RAD23B: variants seen among roughly 807,000 people sequenced by gnomAD.
RAD23B encodes the protein lysine-specific demethylase RAD23B.
In RAD23B, 5 loss-of-function variants were observed where a neutral mutation model predicts 49.1. The ratio of observed to expected loss-of-function variants is 0.10; its 90% confidence interval spans 0.05 to 0.21. The LOEUF is 0.21. Among genes scored for constraint, RAD23B ranks in the 10% least tolerant of loss-of-function variants. The pLI is 1.00. For synonymous variants in RAD23B, 184 were observed against 165.4 expected (o/e 1.11, Z -0.86); for missense variants, 356 against 486.7 (o/e 0.73, Z 2.53).
intron 2 of RAD23B, among the ~76,000 whole-genome samples, chr9:107,301,733 G>A (rs1045954471): frequency 5.3e-5 from 8 of 151,958 alleles, no homozygotes; most frequent in Non-Finnish European, 2.9e-5. Context: ...CATAAACAGG[G>A]TCTTGCTATG....
At chr9:107,305,505 A>G (rs1490026552) in intron 3 of RAD23B, among the ~76,000 whole-genome samples, 2 of 152,116 alleles carry the variant, frequency 1.3e-5, no homozygotes, top group Non-Finnish European at 2.9e-5. Context: ...TATTGAAAAA[A>G]ATTATCATGT....
chr9:107,300,541 T>C (rs1408473560), intron 2 of RAD23B, among the ~76,000 whole-genome samples: 4 of 152,062 alleles, frequency 2.6e-5, no homozygotes, highest in African/African-American at 9.7e-5. Context: ...GATTGTGTTA[T>C]TATTAGTATG....
At position 107,331,566 on chromosome 9, in the gene RAD23B, G is replaced by A. The variant is rs779212449; in HGVS notation, c.*1910G>A. On this transcript the variant is annotated 3_prime_UTR_variant, in exon 10 of 10. Coordinates refer to ENST00000358015, the MANE Select transcript of RAD23B (RefSeq NM_002874.5). ...GAATAAAATGAGAATTCATATATAC[G>A]TTCATCTTTCAAGTCAGAGCAATGA... The A allele has an allele frequency of 7.5e-6, 5 of 667,508 alleles. No individual in the cohort carries two copies. The highest frequency in any genetic ancestry group is 3.5e-5 in the South Asian group (2 of 57,352). 41.3% of individuals were successfully genotyped at this position (667,508 alleles called of 1,614,324 possible). A position where few individuals can be genotyped will look rare whatever the true frequency, so the allele number is the denominator to read the frequency against.
intron 2 of RAD23B, among the ~76,000 whole-genome samples, chr9:107,301,612 G>A (rs1432325911): frequency 6.6e-6 from 1 of 151,980 alleles, no homozygotes; most frequent in African/African-American, 2.4e-5. Flanking sequence ...GATTATACTC[G>A]CTGTATCCTT....
chr9:107,284,024 A>G (rs1261032304), intron 1 of RAD23B: 8 of 1,060,722 alleles, frequency 7.5e-6, no homozygotes, highest in Non-Finnish European at 9.1e-6. Context: ...TCTCAGCCGT[A>G]GAGCCTGGCT....
At chr9:107,306,296 C>A in intron 3 of RAD23B, 83 bp from the exon 4 acceptor site, 2 of 1,352,010 alleles carry the variant, frequency 1.5e-6, no homozygotes, top group Non-Finnish European at 2.0e-6. Context: ...ATGTTTGTGG[C>A]ATCCTGTAAC....
At chr9:107,283,818 G>A in intron 1 of RAD23B, 123 bp downstream of exon 1, 1 of 994,328 alleles carries the variant, frequency 1.0e-6, no homozygotes, top group Admixed American at 4.5e-5. Context: ...AGGGCCCTGG[G>A]TCCTGGTGCC....
chr9:107,310,992 C>T (rs1190253592), intron 4 of RAD23B, among the ~76,000 whole-genome samples: 1 of 152,182 alleles, frequency 6.6e-6, no homozygotes, highest in Non-Finnish European at 1.5e-5. Flanking sequence ...ATTTAAACTT[C>T]TAACTACTAC....
rs922183662 is a variant in RAD23B at position 107,318,684 on chromosome 9, CA to C, written c.554-66del. Reference sequence around the variant, plus strand: ...TTCCTGAAATGTTGTATACATGAATCAATAAATGTATAGAGAATGCTTATTT... The same window carrying C: ...TTCCTGAAATGTTGTATACATGAATCATAAATGTATAGAGAATGCTTATTT... On this transcript the variant is annotated intron_variant, in intron 5 of 9. Coordinates refer to ENST00000358015, the MANE Select transcript of RAD23B (RefSeq NM_002874.5). The surrounding 1 kb of genome is among the most constrained non-coding windows in gnomAD (Gnocchi z 4.3). The C allele has an allele frequency of 6.2e-6, 9 of 1,459,306 alleles. No homozygotes were observed. In the African/African-American group the frequency reaches 1.3e-4, roughly 20 times the overall value. 90.4% of individuals were successfully genotyped at this position (1,459,306 alleles called of 1,614,324 possible).
chr9:107,306,085 A>T (rs866496293), intron 3 of RAD23B, among the ~76,000 whole-genome samples: 1 of 122,928 alleles, frequency 8.1e-6, no homozygotes, highest in Non-Finnish European at 1.7e-5. Flanking sequence ...ATATATCTAT[A>T]TATATTTCAA....
At chr9:107,320,645 T>A (rs1404933528) in intron 6 of RAD23B, among the ~76,000 whole-genome samples, 1 of 152,250 alleles carries the variant, frequency 6.6e-6, no homozygotes, top group Non-Finnish European at 1.5e-5. Context: ...GAAGAAATGT[T>A]GAGCATTTAT....
intron 4 of RAD23B, 143 bp from the exon 5 acceptor site, chr9:107,311,539 A>C: frequency 1.7e-6 from 1 of 581,414 alleles, no homozygotes; most frequent in Non-Finnish European, 2.8e-6. Context: ...TTAATCTAGA[A>C]GAGACAGTTT....
chr9:107,325,477 C>G (rs1261517960), intron 9 of RAD23B, among the ~76,000 whole-genome samples: 2 of 151,926 alleles, frequency 1.3e-5, no homozygotes, highest in African/African-American at 4.8e-5. Context: ...AAAATTATTT[C>G]GAAGTATTTT....
rs2133098099 is a variant in RAD23B, at chr9:107,324,900, CAAGGAG to C, written c.1013_1018del (p.Gln338_Gly340delinsArg). Reference sequence around the variant, plus strand: ...TGAACCAGTTCAAGAAGCTGGTGGTCAAGGAGGAGGAGGTGGAGGTGGCAGTGGAGG... The same window carrying C: ...TGAACCAGTTCAAGAAGCTGGTGGTCGAGGAGGTGGAGGTGGCAGTGGAGG... On this transcript the variant is annotated inframe_deletion, in exon 9 of 10. Transcript: ENST00000358015. 3 of 1,613,388 alleles carry C rather than the reference CAAGGAG, an allele frequency of 1.9e-6. No individual in the cohort carries two copies. The highest frequency in any genetic ancestry group is 2.5e-6 in the Non-Finnish European group (3 of 1,179,854).
intron 8 of RAD23B, 117 bp from the exon 9 acceptor site, chr9:107,324,717 A>G: frequency 9.7e-7 from 1 of 1,034,624 alleles, no homozygotes; most frequent in East Asian, 2.8e-5. Context: ...ATCCAGAATC[A>G]CTAAATTACG....
In RAD23B at chr9:107,329,506, G is replaced by C. The variant is rs777950701; in HGVS notation, c.1117-37G>C. The C allele has an allele frequency of 4.1e-6, 5 of 1,226,664 alleles. No homozygotes were observed. The African/African-American group carries it at 7.5e-5, about 18-fold the overall frequency. 76.0% of individuals were successfully genotyped at this position (1,226,664 alleles called of 1,614,324 possible). On this transcript the variant is annotated intron_variant, in intron 9 of 9. Coordinates refer to ENST00000358015, the MANE Select transcript of RAD23B (RefSeq NM_002874.5). ...AATAAAATTAAATGTGCCATAATTG[G>C]TGTGTTGGATTTATATTTTTTTCCT...
intron 9 of RAD23B, among the ~76,000 whole-genome samples, chr9:107,325,536 T>A (rs1322000818): frequency 6.6e-6 from 1 of 152,208 alleles, no homozygotes; most frequent in African/African-American, 2.4e-5. Context: ...AATTTCATTT[T>A]CAGACTGTTC....
At chr9:107,329,379 T>G (rs1587867507) in intron 9 of RAD23B, among the ~76,000 whole-genome samples, 164 bp from the exon 10 acceptor site, 1 of 152,246 alleles carries the variant, frequency 6.6e-6, no homozygotes, top group Non-Finnish European at 1.5e-5. Flanking sequence ...TCCATATTGA[T>G]AGAGATGAAT....
rs763748378 is a variant in RAD23B at position 107,331,866 on chromosome 9, A to T, written c.*2210A>T. 27 of 533,344 alleles carry T rather than the reference A, an allele frequency of 5.1e-5. No homozygotes were observed. The highest frequency in any genetic ancestry group is 7.7e-5 in the Non-Finnish European group (23 of 296,790). The allele number at this position is 533,344 out of a possible 1,614,324, so 33.0% of individuals were successfully genotyped here. ...TGCTTCTTAAAGAATCAGCCGAGAC[A>T]CCATAAAAGAAATAGGCTTTTTGTG... On this transcript the variant is annotated 3_prime_UTR_variant, in exon 10 of 10. Transcript: ENST00000358015.
Sources: gnomAD v4.1 joint callset for allele counts (sites outside exome capture counted in the v4.1 genomes callset) on GRCh38, gnomAD v4.1.1 for gene constraint, Gnocchi (gnomAD v3.1) non-coding constraint, MANE v1.5 for transcripts, NCBI Gene and HGNC (gene_info 2026-07-23, HGNC 2026-07-21) for gene names.